The following EPHB1 variants were observed in gnomAD, a reference collection of about 807,000 sequenced individuals.
EPHB1 encodes EPH receptor B1.
In EPHB1, 30 loss-of-function variants were observed where a neutral mutation model predicts 94.4. The observed-to-expected ratio is 0.32, with a 90% CI of 0.24 to 0.43. The LOEUF (loss-of-function observed/expected upper bound fraction) is 0.43. EPHB1 is among the 20% of genes least tolerant of loss of function. The pLI, the probability that EPHB1 is intolerant of heterozygous loss-of-function variation, is 1.00. For missense variants in EPHB1, 1,055 were observed against 1,308.3 expected, an observed-to-expected ratio of 0.81 and a Z score of 2.99; for synonymous variants, 522 against 489.1, an observed-to-expected ratio of 1.07 and a Z score of -0.89.
At chr3:135,151,821 A>G (rs1941204771) in intron 5 of EPHB1, among the ~76,000 whole-genome samples, 3 of 152,232 alleles carry the variant, frequency 2.0e-5, no homozygotes, top group Admixed American at 2.0e-4. Flanking sequence ...GTTGAGATAC[A>G]TGTACATTCT....
At chr3:135,040,826 G>T (rs547250786) in intron 3 of EPHB1, among the ~76,000 whole-genome samples, 2 of 152,182 alleles carry the variant, frequency 1.3e-5, no homozygotes, top group Non-Finnish European at 2.9e-5. Context: ...TCTTAATAGC[G>T]TGACAAGGAG....
At chr3:134,815,325 T>C (rs1227560913) in intron 1 of EPHB1, among the ~76,000 whole-genome samples, 1 of 152,176 alleles carries the variant, frequency 6.6e-6, no homozygotes, top group Non-Finnish European at 1.5e-5. Context: ...CCATGATGTA[T>C]GCTACCTGCT....
chr3:134,860,818 A>AAG (rs2037241560), intron 1 of EPHB1, among the ~76,000 whole-genome samples: 1 of 151,268 alleles, frequency 6.6e-6, no homozygotes, highest in Non-Finnish European at 1.5e-5. Flanking sequence ...AAAAAAAAAA[A>AAG]GATTTCTTGA....
At chr3:135,208,290 C>CTTGTGTGTGT (rs1283544628) in intron 12 of EPHB1, among the ~76,000 whole-genome samples, 12 of 142,684 alleles carry the variant, frequency 8.4e-5, no homozygotes, top group South Asian at 2.4e-4. Context: ...CCTTTCATGA[C>CTTGTGTGTGT]GTGTGTGTGT....
chr3:134,951,492 C>G lies in EPHB1; in HGVS notation c.245C>G (p.Ala82Gly), dbSNP rs1578223919. The change falls in exon 3 of 16, where the codon GCC becomes GGC. Residue 82 changes from alanine (A) to glycine (G), a missense_variant. Ala to Gly is a moderately conservative substitution (Grantham distance 60, BLOSUM62 0). Coordinates refer to ENST00000398015, the MANE Select transcript of EPHB1 (RefSeq NM_004441.5). This position sits in a 1 kb window ranked among gnomAD's most constrained non-coding sequence, Gnocchi z 4.5. ...ACCACCTTCATCAACCGGCGGGGGG[C>G]CCATCGCATCTACACAGAGATGCGC... ...LLTTFINRRGAHRIYTEMRFT... is the reference protein window; with the variant it reads ...LLTTFINRRGGHRIYTEMRFT... 2 of 1,613,070 alleles carry G rather than the reference C, an allele frequency of 1.2e-6. No homozygotes were observed. Among genetic ancestry groups the G allele is most frequent in the Non-Finnish European group, 1.7e-6 (2 of 1,179,536 alleles).
At chr3:135,193,267 C>T (rs1403608775) in intron 11 of EPHB1, among the ~76,000 whole-genome samples, 1 of 152,174 alleles carries the variant, frequency 6.6e-6, no homozygotes, top group African/African-American at 2.4e-5. Flanking sequence ...GATGCCTGGG[C>T]CACCTGCCCT....
intron 3 of EPHB1, among the ~76,000 whole-genome samples, chr3:135,072,430 C>A (rs1937755029): frequency 6.6e-6 from 1 of 152,100 alleles, no homozygotes; most frequent in South Asian, 2.1e-4. Flanking sequence ...CCTCTTTAAG[C>A]CCCCGCAGTG....
rs1939069436 is a variant in EPHB1 at position 135,102,519 on chromosome 3, A to T, written c.806-3929A>T. On this transcript the variant is annotated intron_variant, in intron 3 of 15. Coordinates refer to ENST00000398015, the MANE Select transcript of EPHB1 (RefSeq NM_004441.5). ...TCTGATTAATGGCACCTGATACAAG[A>T]TAAGTTAAAAGGGCTTTGTGGATTA... 2.0e-5 allele frequency among the ~76,000 whole-genome samples: 3 copies of T among 152,310 alleles called. No homozygotes were observed. In the South Asian group the frequency reaches 6.2e-4, roughly 32 times the overall value.
intron 1 of EPHB1, among the ~76,000 whole-genome samples, chr3:134,857,134 G>T (rs1255780185): frequency 6.6e-6 from 1 of 152,214 alleles, no homozygotes; most frequent in Non-Finnish European, 1.5e-5. Context: ...AGCCAGCCTT[G>T]GGGGGCAGGG....
intron 1 of EPHB1, among the ~76,000 whole-genome samples, chr3:134,909,938 A>G (rs898196574): frequency 6.6e-6 from 1 of 152,204 alleles, no homozygotes; most frequent in Non-Finnish European, 1.5e-5. Flanking sequence ...AAAAGGACCT[A>G]GAGTGATCAG....
intron 12 of EPHB1, among the ~76,000 whole-genome samples, chr3:135,227,195 AAT>A (rs1344169837): frequency 3.3e-5 from 5 of 152,356 alleles, no homozygotes; most frequent in East Asian, 1.9e-4. Context: ...AAAAAATAAA[AAT>A]ATGTTTAAAG....
intron 3 of EPHB1, among the ~76,000 whole-genome samples, chr3:135,024,887 T>C (rs550430990): frequency 2.6e-5 from 4 of 152,238 alleles, no homozygotes; most frequent in South Asian, 2.1e-4. Context: ...GATTTGGATC[T>C]CTTGCCCCTT....
chr3:135,137,128 G>C (rs948423086), intron 5 of EPHB1, among the ~76,000 whole-genome samples: 1 of 152,174 alleles, frequency 6.6e-6, no homozygotes, highest in African/African-American at 2.4e-5. Context: ...GGGTATAAAA[G>C]ATGAATCAGA....
chr3:135,137,492 GCT>G (rs1940663106), intron 5 of EPHB1, among the ~76,000 whole-genome samples: 1 of 152,150 alleles, frequency 6.6e-6, no homozygotes, highest in Non-Finnish European at 1.5e-5. Context: ...TGCCAAGCAT[GCT>G]CTGTTTTCCA....
chr3:135,008,803 C>T (rs1298905497), intron 3 of EPHB1, among the ~76,000 whole-genome samples: 1 of 152,138 alleles, frequency 6.6e-6, no homozygotes, highest in African/African-American at 2.4e-5. Context: ...AGCACCTTGG[C>T]CTTTATTTGC....
At chr3:135,211,584 G>T (rs2400447) in intron 12 of EPHB1, among the ~76,000 whole-genome samples, 41,908 of 151,926 alleles carry the variant, frequency 0.28, 6,062 homozygotes, top group East Asian at 0.52. Flanking sequence ...TATAGTTTGG[G>T]TTTTCTTTCA....
intron 3 of EPHB1, among the ~76,000 whole-genome samples, chr3:135,066,606 A>G (rs1387086459): frequency 2.6e-5 from 4 of 152,042 alleles, no homozygotes; most frequent in Non-Finnish European, 5.9e-5. Context: ...CACTTCTTGT[A>G]TCATTTTTTG....
intron 10 of EPHB1, among the ~76,000 whole-genome samples, chr3:135,191,668 A>G (rs111429013): frequency 0.049 from 7,392 of 152,146 alleles, 214 homozygotes; most frequent in Middle Eastern, 0.11. Flanking sequence ...CTATGAAATA[A>G]TGTCACCATA....
chr3:135,243,910 G>A (rs1388588597), intron 13 of EPHB1, among the ~76,000 whole-genome samples: 1 of 152,118 alleles, frequency 6.6e-6, no homozygotes. Context: ...AAACATCAGA[G>A]CTTGACTTAA....
Sources: gnomAD v4.1 joint callset for allele counts (sites outside exome capture counted in the v4.1 genomes callset) on GRCh38, gnomAD v4.1.1 for gene constraint, Gnocchi (gnomAD v3.1) non-coding constraint, MANE v1.5 for transcripts, NCBI Gene and HGNC (gene_info 2026-07-23, HGNC 2026-07-21) for gene names.